CALHM3: variants seen among roughly 807,000 people sequenced by gnomAD.
CALHM3 encodes calcium homeostasis modulator protein 3.
In CALHM3, 9 loss-of-function variants were observed where a neutral mutation model predicts 13.6. The ratio of observed to expected loss-of-function variants is 0.66; its 90% confidence interval spans 0.40 to 1.15. The LOEUF (loss-of-function observed/expected upper bound fraction) is 1.15, where lower values mean the gene tolerates loss of function less well. Ranked by LOEUF, CALHM3 falls within the 50% of genes most tolerant of loss-of-function variation. The pLI is 0.01. For synonymous variants in CALHM3, 231 were observed against 213.2 expected (o/e 1.08, Z -0.73); for missense variants, 497 against 463.4 (o/e 1.07, Z -0.67).
intron 1 of CALHM3, among the ~76,000 whole-genome samples, 184 bp downstream of exon 1, chr10:103,478,562 C>T: frequency 6.6e-6 from 1 of 152,216 alleles, no homozygotes; most frequent in Non-Finnish European, 1.5e-5. Flanking sequence ...AAGTGGCTCT[C>T]TGTGAGCCGA....
Position 103,478,373 on chromosome 10 carries a change from T to C in CALHM3, c.287+373A>G, listed in dbSNP as rs184009718. On this transcript the variant is annotated intron_variant, in intron 1 of 2. Coordinates refer to ENST00000369783, the MANE Select transcript of CALHM3 (RefSeq NM_001129742.2). ...ATTTGTATGCCTTTTCTCTTATTAATCTGCCTTTTGTCAGTTGATTTTCAG... is the reference window on the plus strand; with the variant it reads ...ATTTGTATGCCTTTTCTCTTATTAACCTGCCTTTTGTCAGTTGATTTTCAG... 3.7e-3 allele frequency among the ~76,000 whole-genome samples: 565 copies of C among 152,344 alleles called. 1 individual carries two copies. The highest frequency in any genetic ancestry group is 6.2e-3 in the Non-Finnish European group (423 of 68,042).
At chr10:103,477,230 C>T (rs1028756167) in intron 1 of CALHM3, among the ~76,000 whole-genome samples, 50 of 152,168 alleles carry the variant, frequency 3.3e-4, no homozygotes, top group Admixed American at 2.3e-3. Context: ...ACCCTCTGAC[C>T]GGCCTCAGGC....
In CALHM3 at chr10:103,479,199, C is replaced by T; in HGVS notation, c.-167G>A. On this transcript the variant is annotated 5_prime_UTR_variant, in exon 1 of 3. Coordinates refer to ENST00000369783, the MANE Select transcript of CALHM3 (RefSeq NM_001129742.2). ...AGGAAGCAGTGCCCAGGCCCCAGCC[C>T]AGGCTCCCGGGATCCAGTAGGCACT... The T allele has an allele frequency of 1.3e-6, 1 of 766,022 alleles. No homozygotes were observed. Among genetic ancestry groups the T allele is most frequent in the South Asian group, 2.0e-5 (1 of 51,274 alleles). The allele number at this position is 766,022 out of a possible 1,614,324, so 47.5% of individuals were successfully genotyped here. A position where few individuals can be genotyped will look rare whatever the true frequency, so the allele number is the denominator to read the frequency against.
In CALHM3 at chr10:103,473,599, T is replaced by C. The variant is rs2033353861; in HGVS notation, c.649A>G (p.Ser217Gly). ...TTCTGCTCCAGGTCCACGTAGTTGC[T>C]CCAGTATCTGCGCTGCAGGAAGACT... Reference protein sequence around the residue: ...QTVFLQRRYWSNYVDLEQKLF... With the variant: ...QTVFLQRRYWGNYVDLEQKLF... Residue 217 changes from serine (S) to glycine (G), a missense_variant, in exon 3 of 3, where the codon AGC becomes GGC. By Grantham distance (56) the Ser-to-Gly change is moderately conservative. Coordinates refer to ENST00000369783, the MANE Select transcript of CALHM3 (RefSeq NM_001129742.2). 2.6e-6 allele frequency: 4 copies of C among 1,551,352 alleles called. No homozygotes were observed. The highest frequency in any genetic ancestry group is 2.7e-5 in the African/African-American group (2 of 73,160).
At position 103,478,893 on chromosome 10, in the gene CALHM3, T is replaced by C. The variant is rs369210072; in HGVS notation, c.140A>G (p.Tyr47Cys). Residue 47 changes from tyrosine to cysteine, a missense_variant, in exon 1 of 3, where the codon TAC becomes TGC. Transcript: ENST00000369783. ...FDFNCPCLVH[Y>C]NALYGLGLLL... ...CAGGCCCAGGCCGTAGAGTGCATTG[T>C]AGTGCACCAGGCAGGGACAGTTGAA... 4 of 1,551,604 alleles carry C rather than the reference T, an allele frequency of 2.6e-6. No individual in the cohort carries two copies. The African/African-American group carries it at 4.1e-5, about 16-fold the overall frequency.
intron 1 of CALHM3, among the ~76,000 whole-genome samples, chr10:103,477,990 T>C (rs941512267): frequency 1.3e-5 from 2 of 152,092 alleles, no homozygotes; most frequent in East Asian, 3.9e-4. Context: ...GCTGCCACCA[T>C]AAAACCTAAA....
chr10:103,473,592 T>C lies in CALHM3; in HGVS notation c.656A>G (p.Tyr219Cys). The C allele has an allele frequency of 6.4e-7, 1 of 1,551,324 alleles. No individual in the cohort carries two copies. The highest frequency in any genetic ancestry group is 8.7e-7 in the Non-Finnish European group (1 of 1,147,000). The change falls in exon 3 of 3, where the codon TAC (tyrosine) becomes TGC (cysteine). Residue 219 changes from tyrosine (Y) to cysteine (C), a missense_variant. Coordinates refer to ENST00000369783, the MANE Select transcript of CALHM3 (RefSeq NM_001129742.2). Reference protein sequence around the residue: ...VFLQRRYWSNYVDLEQKLFDE... With the variant: ...VFLQRRYWSNCVDLEQKLFDE... Reference sequence around the variant, plus strand: ...GAAGAGCTTCTGCTCCAGGTCCACGTAGTTGCTCCAGTATCTGCGCTGCAG... The same window carrying C: ...GAAGAGCTTCTGCTCCAGGTCCACGCAGTTGCTCCAGTATCTGCGCTGCAG...
In CALHM3 at chr10:103,478,503, A is replaced by G. The variant is rs565824011; in HGVS notation, c.287+243T>C. On this transcript the variant is annotated intron_variant, in intron 1 of 2. Coordinates refer to ENST00000369783, the MANE Select transcript of CALHM3 (RefSeq NM_001129742.2). ...TATGTTTACAGCACTGGCCACGGAA[A>G]GGTGACAAACGATAGGAACAGAAAT... Among the ~76,000 whole-genome samples, 12 of 152,368 alleles carry G rather than the reference A, an allele frequency of 7.9e-5. No homozygotes were observed. The South Asian group carries it at 1.4e-3, about 18-fold the overall frequency.
At chr10:103,476,686 C>T in intron 1 of CALHM3, 137 bp from the exon 2 acceptor site, 1 of 1,082,934 alleles carries the variant, frequency 9.2e-7, no homozygotes, top group East Asian at 2.6e-5. Flanking sequence ...GTCCCAGTGA[C>T]AGAGACAGGC....
Position 103,478,911 on chromosome 10 carries a change from C to T in CALHM3, c.122G>A (p.Cys41Tyr), listed in dbSNP as rs1324324553. The T allele has an allele frequency of 6.4e-7, 1 of 1,551,632 alleles. No individual in the cohort carries two copies. The highest frequency in any genetic ancestry group is 8.7e-7 in the Non-Finnish European group (1 of 1,147,024). Residue 41 changes from cysteine (C) to tyrosine (Y), a missense_variant, in exon 1 of 3, where the codon TGT becomes TAT. Coordinates refer to ENST00000369783, the MANE Select transcript of CALHM3 (RefSeq NM_001129742.2). Reference sequence around the variant, plus strand: ...TGCATTGTAGTGCACCAGGCAGGGACAGTTGAAGTCAAAGGAGGAGTACAG... The same window carrying T: ...TGCATTGTAGTGCACCAGGCAGGGATAGTTGAAGTCAAAGGAGGAGTACAG... The part of the protein sequence containing the change: ...VKLYSSFDFN[C>Y]PCLVHYNALY...
chr10:103,473,738 G>A, intron 2 of CALHM3, 34 bp from the exon 3 acceptor site: 3 of 1,521,382 alleles, frequency 2.0e-6, no homozygotes, highest in Middle Eastern at 1.7e-4. Context: ...TTAGATGTGA[G>A]TGGGGCCTAA....
chr10:103,476,615 A>G, intron 1 of CALHM3, 66 bp from the exon 2 acceptor site: 13 of 1,526,544 alleles, frequency 8.5e-6, no homozygotes, highest in Non-Finnish European at 1.1e-5. Flanking sequence ...GGGAGGTGCA[A>G]GGATGGACTG....
intron 2 of CALHM3, among the ~76,000 whole-genome samples, chr10:103,474,411 C>CA (rs151309141): frequency 0.051 from 7,792 of 151,322 alleles, 288 homozygotes; most frequent in Non-Finnish European, 0.082. Context: ...ACTCATCCAC[C>CA]CCCCCCATCC....
Position 103,476,460 on chromosome 10 carries a change from CA to C in CALHM3, c.376del (p.Cys126ValfsTer18). 1 of 1,551,708 alleles carries C rather than the reference CA, an allele frequency of 6.4e-7. No homozygotes were observed. The highest frequency in any genetic ancestry group is 8.7e-7 in the Non-Finnish European group (1 of 1,147,006). Reference protein sequence around the residue: ...LALLDGKCFVCAFSSSVDPEK... With the variant: ...LALLDGKCFVXAFSSSVDPEK... The stretch of plus-strand genomic sequence containing the variant: ...AGGGTCCACAGAGCTGCTGAAGGCA[CA>C]CACGAAGCACTTCCCGTCAAGGAGG... On this transcript the variant is annotated frameshift_variant, in exon 2 of 3. Coordinates refer to ENST00000369783, the MANE Select transcript of CALHM3 (RefSeq NM_001129742.2). LOFTEE classifies it high-confidence loss of function.
rs1275078848 is a variant in CALHM3, at chr10:103,473,545, C to T, written c.703G>A (p.Ala235Thr). Residue 235 changes from alanine (A) to threonine (T), a missense_variant, in exon 3 of 3, where the codon GCG becomes ACG. Ala to Thr is a moderately conservative substitution (Grantham distance 58). Coordinates refer to ENST00000369783, the MANE Select transcript of CALHM3 (RefSeq NM_001129742.2). ...ACGCAGCGGTGCGCGAAGTCCCGCGCATGCTCACAGCAGGTCTCGTCGAAG... is the reference window on the plus strand; with the variant it reads ...ACGCAGCGGTGCGCGAAGTCCCGCGTATGCTCACAGCAGGTCTCGTCGAAG... ...KLFDETCCEH[A>T]RDFAHRCVLH... 3 of 1,551,232 alleles carry T rather than the reference C, an allele frequency of 1.9e-6. No individual in the cohort carries two copies. The highest frequency in any genetic ancestry group is 2.0e-5 in the Admixed American group (1 of 51,012).
intron 2 of CALHM3, 65 bp downstream of exon 2, chr10:103,476,229 C>T (rs1564795727): frequency 2.0e-6 from 3 of 1,538,016 alleles, no homozygotes; most frequent in Non-Finnish European, 2.6e-6. Flanking sequence ...CCCCTCACCC[C>T]ACTCCAGAAC....
In CALHM3 at chr10:103,473,453, G is replaced by A. The variant is rs546328114; in HGVS notation, c.795C>T (p.Gly265=). The A allele has an allele frequency of 2.3e-5, 35 of 1,540,780 alleles. No individual in the cohort carries two copies. The highest frequency in any genetic ancestry group is 7.4e-5 in the East Asian group (3 of 40,758). The change falls in exon 3 of 3, where the codon GGC becomes GGT. Residue 265 remains glycine, a synonymous_variant. Coordinates refer to ENST00000369783, the MANE Select transcript of CALHM3 (RefSeq NM_001129742.2). ...GCACTGCGGGGAGCTCGAGTCTCCT[G>A]CCTGCATTGCCCCGGCGCAGCCCCC... is the stretch of plus-strand genomic sequence containing the variant. ...QARGLRRGNA[G]RRLELPAVPE... is the part of the protein sequence containing the mutation.
At chr10:103,475,101 C>T (rs2033374268) in intron 2 of CALHM3, among the ~76,000 whole-genome samples, 1 of 152,170 alleles carries the variant, frequency 6.6e-6, no homozygotes, top group Non-Finnish European at 1.5e-5. Flanking sequence ...CTGGGGCCCA[C>T]ACCTGGCAGA....
intron 1 of CALHM3, among the ~76,000 whole-genome samples, chr10:103,477,855 G>C (rs1423162101): frequency 6.6e-6 from 1 of 152,110 alleles, no homozygotes; most frequent in African/African-American, 2.4e-5. Context: ...TTACGGGTGA[G>C]AGCCACCGCG....
Sources: allele counts gnomAD v4.1 joint callset (sites outside exome capture counted in the v4.1 genomes callset), GRCh38; gene constraint gnomAD v4.1.1; transcripts MANE v1.5; gene names NCBI Gene and HGNC (gene_info 2026-07-23, HGNC 2026-07-21).